TNS1: variants seen among roughly 807,000 people sequenced by gnomAD.
The protein encoded by TNS1 is tensin 1.
TNS1 carries 62 observed loss-of-function variants against 168.6 expected under a neutral mutation model. That is an observed-to-expected ratio of 0.37 (90% CI 0.30 to 0.45). The LOEUF is 0.45. Among genes scored for constraint, TNS1 ranks in the 20% least tolerant of loss-of-function variants. The pLI, the probability that TNS1 is intolerant of heterozygous loss-of-function variation, is 1.00. For synonymous variants in TNS1, 934 were observed against 933.2 expected (o/e 1.00, Z -0.02); for missense variants, 2,240 against 2,339.4 (o/e 0.96, Z 0.88).
intron 6 of TNS1, among the ~76,000 whole-genome samples, chr2:217,902,523 T>G (rs1953129110): frequency 1.3e-5 from 2 of 151,874 alleles, no homozygotes; most frequent in South Asian, 4.1e-4. Context: ...GGTGCAGGGG[T>G]AAGCAGGACA....
At chr2:217,894,922 C>T in intron 9 of TNS1, 84 bp downstream of exon 9, 4 of 1,350,888 alleles carry the variant, frequency 3.0e-6, no homozygotes, top group Admixed American at 1.9e-5. Context: ...AGCATTTTCC[C>T]CAAGATTATT....
chr2:217,923,925 A>G (rs1034555440), intron 3 of TNS1, among the ~76,000 whole-genome samples: 2 of 152,046 alleles, frequency 1.3e-5, no homozygotes, highest in African/African-American at 4.8e-5. Flanking sequence ...TATTTTCTCA[A>G]CTTCAAAGGT....
At chr2:217,956,815 C>T (rs1409805147) in intron 3 of TNS1, among the ~76,000 whole-genome samples, 1 of 152,144 alleles carries the variant, frequency 6.6e-6, no homozygotes, top group Non-Finnish European at 1.5e-5. Context: ...GGGGAGATTG[C>T]TGGGAAGAGG....
chr2:217,898,106 G>T, intron 7 of TNS1, 137 bp from the exon 8 acceptor site: 1 of 1,059,302 alleles, frequency 9.4e-7, no homozygotes, highest in Non-Finnish European at 1.3e-6. Context: ...TCAACCCAAG[G>T]CCAAGGCCAC....
intron 3 of TNS1, among the ~76,000 whole-genome samples, chr2:217,947,570 T>C (rs923273250): frequency 4.6e-5 from 7 of 151,836 alleles, no homozygotes; most frequent in African/African-American, 1.2e-4. Context: ...AGAGAGGCCA[T>C]TGAGGAGAGC....
intron 32 of TNS1, among the ~76,000 whole-genome samples, chr2:217,805,519 CA>C (rs1938550666): frequency 7.6e-4 from 3 of 3,964 alleles, no homozygotes; most frequent in Non-Finnish European, 2.5e-3. Flanking sequence ...ACACACACCA[CA>C]CACACCACAC....
chr2:217,958,991 C>A (rs189687345), intron 3 of TNS1, among the ~76,000 whole-genome samples: 1 of 152,296 alleles, frequency 6.6e-6, no homozygotes, highest in East Asian at 1.9e-4. Flanking sequence ...GTCTTGCCTC[C>A]CATTCTTGCA....
chr2:218,004,212 C>T (rs1343343385), upstream of TNS1, among the ~76,000 whole-genome samples: 8 of 152,242 alleles, frequency 5.3e-5, no homozygotes, highest in Admixed American at 2.6e-4. Context: ...GTCCAACTCA[C>T]GTCAACACAT....
At chr2:217,879,396 C>T in intron 18 of TNS1, 1 of 452,938 alleles carries the variant, frequency 2.2e-6, no homozygotes, top group East Asian at 7.1e-5. Context: ...TCGCTCCAGC[C>T]TCTGCTTTCT....
intron 4 of TNS1, among the ~76,000 whole-genome samples, chr2:217,912,204 A>T (rs1164076138): frequency 6.6e-6 from 1 of 152,234 alleles, no homozygotes. Context: ...AGTGGCCTGC[A>T]AGGAGGGTGG....
At chr2:217,946,276 G>A (rs1013425562) in intron 3 of TNS1, among the ~76,000 whole-genome samples, 7 of 152,008 alleles carry the variant, frequency 4.6e-5, no homozygotes, top group East Asian at 1.9e-4. Flanking sequence ...GGGCTTCCGC[G>A]GCTCACTAAC....
At chr2:217,898,020 G>C (rs567655513) in intron 7 of TNS1, 51 bp from the exon 8 acceptor site, 1 of 1,540,218 alleles carries the variant, frequency 6.5e-7, no homozygotes, top group Non-Finnish European at 8.8e-7. Context: ...CAGCCCACAG[G>C]GAAGGCCCCA....
chr2:217,914,909 T>G (rs1954829875), intron 4 of TNS1, among the ~76,000 whole-genome samples: 1 of 152,248 alleles, frequency 6.6e-6, no homozygotes, highest in Admixed American at 6.5e-5. Flanking sequence ...ATGAATCCAT[T>G]TGTCTTTCAA....
chr2:218,004,513 G>A (rs760662927), upstream of TNS1, among the ~76,000 whole-genome samples: 7 of 152,096 alleles, frequency 4.6e-5, no homozygotes, highest in Non-Finnish European at 8.8e-5. Context: ...CATCTACCTG[G>A]GAAACCCCAG....
chr2:218,014,412 C>T (rs1313174399), upstream of TNS1, among the ~76,000 whole-genome samples: 3 of 152,158 alleles, frequency 2.0e-5, no homozygotes, highest in African/African-American at 7.2e-5. Flanking sequence ...GGTTCCCAGG[C>T]CCCTCAGCAC....
At chr2:217,825,101 G>A (rs1403679832) in intron 22 of TNS1, among the ~76,000 whole-genome samples, 4 of 152,170 alleles carry the variant, frequency 2.6e-5, no homozygotes, top group African/African-American at 9.7e-5. Flanking sequence ...ACACTGTGAA[G>A]GTGTGTGCTC....
intron 18 of TNS1, among the ~76,000 whole-genome samples, chr2:217,873,517 C>T (rs1052509981): frequency 3.9e-5 from 6 of 152,108 alleles, no homozygotes; most frequent in African/African-American, 7.2e-5. Flanking sequence ...CGGGTCTTTG[C>T]GGGGGCCAGG....
chr2:217,950,420 T>G (rs111401108), intron 3 of TNS1, among the ~76,000 whole-genome samples: 6,697 of 152,112 alleles, frequency 0.044, 501 homozygotes, highest in African/African-American at 0.15. Context: ...AGGAACAGGA[T>G]AACATCCTGA....
At chr2:217,883,603 C>T (rs1950887189) in intron 16 of TNS1, among the ~76,000 whole-genome samples, 1 of 152,220 alleles carries the variant, frequency 6.6e-6, no homozygotes, top group South Asian at 2.1e-4. Flanking sequence ...TCGATGGTAT[C>T]TCCTGACTCC....
Sources: gnomAD v4.1 joint callset for allele counts (sites outside exome capture counted in the v4.1 genomes callset) on GRCh38, gnomAD v4.1.1 for gene constraint, MANE v1.5 for transcripts, NCBI Gene and HGNC (gene_info 2026-07-23, HGNC 2026-07-21) for gene names.